WDR76: variants seen among roughly 807,000 people sequenced by gnomAD.
WDR76 encodes WD repeat domain 76, also known as WD repeat-containing protein 76.
Under a neutral mutation model 70.2 loss-of-function variants are expected in WDR76, and 52 were observed. The observed-to-expected ratio is 0.74, with a 90% confidence interval of 0.59 to 0.93. The LOEUF is 0.93. Ranked by LOEUF, WDR76 falls within the 40% of genes least tolerant of loss-of-function variation. WDR76 has a pLI of 0.00. For missense variants in WDR76, 756 were observed against 760.2 expected (o/e 0.99, Z 0.07); for synonymous variants, 292 against 271.1 (o/e 1.08, Z -0.76).
intron 8 of WDR76, 133 bp from the exon 9 acceptor site, chr15:43,850,952 AGT>A (rs1317871176): frequency 9.1e-7 from 1 of 1,099,574 alleles, no homozygotes; most frequent in East Asian, 2.5e-5. Flanking sequence ...TGAAGGGGAG[AGT>A]GGTTACAATT....
At chr15:43,838,918 T>C (rs2087689600) in intron 4 of WDR76, among the ~76,000 whole-genome samples, 1 of 152,198 alleles carries the variant, frequency 6.6e-6, no homozygotes, top group Non-Finnish European at 1.5e-5. Context: ...CTACAGTTTT[T>C]AGTATATAGT....
At chr15:43,843,408 G>T (rs2140303112) in intron 7 of WDR76, among the ~76,000 whole-genome samples, 1 of 152,172 alleles carries the variant, frequency 6.6e-6, no homozygotes, top group South Asian at 2.1e-4. Context: ...TTGAGTAGAA[G>T]GAGTTCACTT....
chr15:43,849,359 T>C (rs558597849), intron 8 of WDR76, among the ~76,000 whole-genome samples: 1 of 152,324 alleles, frequency 6.6e-6, no homozygotes, highest in Non-Finnish European at 1.5e-5. Flanking sequence ...AAAATTCCTT[T>C]AGCTTCATTT....
At chr15:43,851,596 A>G (rs926899428) in intron 9 of WDR76, among the ~76,000 whole-genome samples, 1 of 152,066 alleles carries the variant, frequency 6.6e-6, no homozygotes, top group African/African-American at 2.4e-5. Flanking sequence ...TTTCTCTCCC[A>G]AAGCTTTTAA....
chr15:43,851,833 G>C (rs2087863629), intron 9 of WDR76, among the ~76,000 whole-genome samples: 1 of 152,166 alleles, frequency 6.6e-6, no homozygotes, highest in African/African-American at 2.4e-5. Flanking sequence ...TACTCAGGAG[G>C]CTGAGGTGGG....
chr15:43,842,547 A>C, intron 6 of WDR76, 31 bp downstream of exon 6: 1 of 1,605,616 alleles, frequency 6.2e-7, no homozygotes, highest in Non-Finnish European at 8.5e-7. Context: ...TAGCCTTTAG[A>C]ATCATCTGTT....
In WDR76 at chr15:43,843,944, G is replaced by T; in HGVS notation, c.922G>T (p.Val308Phe). The change falls in exon 8 of 13, where the codon GTT becomes TTT. Residue 308 changes from valine (V) to phenylalanine (F), a missense_variant. Val to Phe is a conservative substitution (Grantham distance 50, BLOSUM62 -1). Transcript: ENST00000263795. ...LNGMVISEDT[V>F]YKVTTGPIFS... Reference sequence around the variant, plus strand: ...TGGCATGGTCATTAGTGAAGATACCGTTTACAAAGTTACCACAGGCCCAAT... The same window carrying T: ...TGGCATGGTCATTAGTGAAGATACCTTTTACAAAGTTACCACAGGCCCAAT... 1 of 1,610,756 alleles carries T rather than the reference G, an allele frequency of 6.2e-7. No individual in the cohort carries two copies. The highest frequency in any genetic ancestry group is 8.5e-7 in the Non-Finnish European group (1 of 1,178,260).
chr15:43,828,165 G>A lies in WDR76; in HGVS notation c.261G>A (p.Lys87=). ...TGGCGTGTAAGAAGACTAAAATAAA[G>A]AAAACTTGCAGAAGGATTATACCTC... is the stretch of plus-strand genomic sequence containing the variant. The part of the protein sequence containing the change: ...NEVACKKTKI[K]KTCRRIIPPK... Residue 87 remains lysine, a synonymous_variant, in exon 2 of 13, where the codon AAG becomes AAA. Coordinates refer to ENST00000263795, the MANE Select transcript of WDR76 (RefSeq NM_024908.4). The A allele has an allele frequency of 1.2e-6, 2 of 1,613,924 alleles. No individual in the cohort carries two copies. The highest frequency in any genetic ancestry group is 2.2e-5 in the East Asian group (1 of 44,874).
intron 2 of WDR76, among the ~76,000 whole-genome samples, chr15:43,829,700 G>A (rs1380161168): frequency 1.3e-5 from 2 of 151,696 alleles, no homozygotes; most frequent in Non-Finnish European, 2.9e-5. Flanking sequence ...TAGAGACAGG[G>A]TTCCACCATG....
Position 43,861,393 on chromosome 15 carries a change from T to C in WDR76, c.1616+7T>C. 1 of 1,612,052 alleles carries C rather than the reference T, an allele frequency of 6.2e-7. No homozygotes were observed. The highest frequency in any genetic ancestry group is 1.1e-5 in the South Asian group (1 of 91,038). ...CGCTCCTCACCACCATCAGGTAGGCTTCTATATGCCAAATAATGTAGATGT... is the reference window on the plus strand; with the variant it reads ...CGCTCCTCACCACCATCAGGTAGGCCTCTATATGCCAAATAATGTAGATGT... On this transcript the variant is annotated splice_region_variant and intron_variant, in intron 12 of 12. Coordinates refer to ENST00000263795, the MANE Select transcript of WDR76 (RefSeq NM_024908.4).
chr15:43,862,476 CCTGG>C, intron 12 of WDR76, among the ~76,000 whole-genome samples: 1 of 150,438 alleles, frequency 6.6e-6, no homozygotes, highest in South Asian at 2.1e-4. Context: ...CGCCACCCTG[CCTGG>C]CTAATTTCTG....
At chr15:43,865,035 C>T (rs1349568913) in intron 12 of WDR76, among the ~76,000 whole-genome samples, 1 of 152,224 alleles carries the variant, frequency 6.6e-6, no homozygotes, top group Non-Finnish European at 1.5e-5. Context: ...AGCAATTCTG[C>T]CTCAGCCTCC....
chr15:43,842,388 C>A, intron 5 of WDR76, 27 bp from the exon 6 acceptor site: 1 of 1,605,308 alleles, frequency 6.2e-7, no homozygotes, highest in Non-Finnish European at 8.5e-7. Flanking sequence ...GGGAGCCCAA[C>A]AAATAACTTT....
At chr15:43,851,056 C>T in intron 8 of WDR76, 31 bp from the exon 9 acceptor site, 6 of 1,602,430 alleles carry the variant, frequency 3.7e-6, no homozygotes, top group South Asian at 1.1e-5. Flanking sequence ...TAGTTTTTTT[C>T]TCTCTCCCCT....
intron 8 of WDR76, among the ~76,000 whole-genome samples, chr15:43,850,485 T>C (rs913043034): frequency 1.6e-4 from 24 of 151,610 alleles, no homozygotes; most frequent in South Asian, 2.1e-4. Context: ...TTAGTAGAGA[T>C]GGGGTTTCAC....
intron 2 of WDR76, 115 bp downstream of exon 2, chr15:43,828,481 T>G (rs772588242): frequency 5.5e-5 from 51 of 929,078 alleles, no homozygotes; most frequent in Non-Finnish European, 7.8e-5. Flanking sequence ...CATCATCTAA[T>G]GTAAGTATAA....
Position 43,857,021 on chromosome 15 carries a change from C to T in WDR76, c.1267C>T (p.His423Tyr), listed in dbSNP as rs1475303860. 1.2e-6 allele frequency: 2 copies of T among 1,613,974 alleles called. No individual in the cohort carries two copies. The highest frequency in any genetic ancestry group is 1.7e-6 in the Non-Finnish European group (2 of 1,180,008). ...AEDASTLIVG[H>Y]WDGNMSLVDR... Reference sequence around the variant, plus strand: ...AGATGCCTCCACTTTAATAGTAGGACACTGGGATGGAAATATGTCACTGGT... The same window carrying T: ...AGATGCCTCCACTTTAATAGTAGGATACTGGGATGGAAATATGTCACTGGT... The change falls in exon 10 of 13, where the codon CAC (histidine) becomes TAC (tyrosine). Residue 423 changes from histidine to tyrosine, a missense_variant. By Grantham distance (83) the His-to-Tyr change is moderately conservative (BLOSUM62 2). Coordinates refer to ENST00000263795, the MANE Select transcript of WDR76 (RefSeq NM_024908.4).
Position 43,867,399 on chromosome 15 carries a change from A to T in WDR76, c.*1007A>T, listed in dbSNP as rs1465688728. The T allele has an allele frequency of 6.6e-6, 1 of 152,192 alleles. No homozygotes were observed. Among genetic ancestry groups the T allele is most frequent in the Non-Finnish European group, 1.5e-5 (1 of 68,036 alleles). 9.4% of individuals were successfully genotyped at this position (152,192 alleles called of 1,614,324 possible). On this transcript the variant is annotated 3_prime_UTR_variant, in exon 13 of 13. Coordinates refer to ENST00000263795, the MANE Select transcript of WDR76 (RefSeq NM_024908.4). ...GACTGGGTTTTTGCTCTTCACATGA[A>T]ATCAAGTTAGATGACAATGACTGGT...
Position 43,851,035 on chromosome 15 carries a change from C to T in WDR76, c.1033-52C>T, listed in dbSNP as rs1380735404. On this transcript the variant is annotated intron_variant, in intron 8 of 12. Transcript: ENST00000263795. ...TGACATAATAGCATAGCAAAAATCA[C>T]TATTTTTCACTAGTTTTTTTCTCTC... 3.0e-5 allele frequency: 48 copies of T among 1,597,116 alleles called. No individual in the cohort carries two copies. The Admixed American group carries it at 6.9e-4, about 23-fold the overall frequency.
Sources: gnomAD v4.1 joint callset for allele counts (sites outside exome capture counted in the v4.1 genomes callset) on GRCh38, gnomAD v4.1.1 for gene constraint, MANE v1.5 for transcripts, NCBI Gene and HGNC (gene_info 2026-07-23, HGNC 2026-07-21) for gene names.